ZBTB7C: variants seen among roughly 807,000 people sequenced by gnomAD.
The protein encoded by ZBTB7C is zinc finger and BTB domain containing 7C.
Under a neutral mutation model 25.7 loss-of-function variants are expected in ZBTB7C, and 8 were observed. The observed-to-expected ratio is 0.31, with a 90% confidence interval of 0.18 to 0.56. The LOEUF (loss-of-function observed/expected upper bound fraction) is 0.56. ZBTB7C is among the 20% of genes least tolerant of loss of function. The probability of loss-of-function intolerance (pLI) is 0.91; values close to 1 mark genes in which losing one functional copy is unlikely to be tolerated. For synonymous variants in ZBTB7C, 394 were observed against 369.0 expected (o/e 1.07, Z -0.78); for missense variants, 824 against 855.2 (o/e 0.96, Z 0.46).
At chr18:48,207,313 A>G (rs891511980) in intron 2 of ZBTB7C, among the ~76,000 whole-genome samples, 3 of 152,238 alleles carry the variant, frequency 2.0e-5, no homozygotes, top group Non-Finnish European at 4.4e-5. Context: ...ACTGTTAGGT[A>G]TGTGCCCAGA....
intron 4 of ZBTB7C, among the ~76,000 whole-genome samples, chr18:48,032,422 GTTTTTTTTTTTTT>G (rs71165309): frequency 6.1e-5 from 4 of 65,060 alleles, no homozygotes; most frequent in East Asian, 5.1e-4. Context: ...GACAAGGTAG[GTTTTTTTTTTTTT>G]TTTTTTTTTT....
In ZBTB7C at chr18:48,136,368, C is replaced by A. The variant is rs542952471; in HGVS notation, c.-17+49566G>T. On this transcript the variant is annotated intron_variant, in intron 3 of 4. Transcript: ENST00000590800. ...GGAGTCCAGGGAAGAGCCCCCCACC[C>A]ACCCAGCTCAGCGCGCGATTTGAGC... 2.0e-5 allele frequency among the ~76,000 whole-genome samples: 3 copies of A among 152,328 alleles called. No homozygotes were observed. In the South Asian group the frequency reaches 6.2e-4, roughly 32 times the overall value.
intron 3 of ZBTB7C, among the ~76,000 whole-genome samples, chr18:48,057,832 C>T (rs998672769): frequency 3.9e-5 from 6 of 152,104 alleles, no homozygotes; most frequent in East Asian, 3.9e-4. Context: ...CTGTGAGGCT[C>T]AAGGGAGAAA....
At chr18:48,345,224 A>G (rs1226208438) in intron 1 of ZBTB7C, among the ~76,000 whole-genome samples, 1 of 152,230 alleles carries the variant, frequency 6.6e-6, no homozygotes, top group Non-Finnish European at 1.5e-5. Flanking sequence ...ATAGCTGTTC[A>G]GTAAGAAGCT....
chr18:48,395,975 G>T (rs1309678914), intron 1 of ZBTB7C, among the ~76,000 whole-genome samples: 1 of 152,218 alleles, frequency 6.6e-6, no homozygotes, highest in Non-Finnish European at 1.5e-5. Context: ...GGAATCTGGT[G>T]CATCAGAATC....
In ZBTB7C at chr18:48,038,771, G is replaced by A. The variant is rs548952512; in HGVS notation, c.1208+1129C>T. Among the ~76,000 whole-genome samples the A allele has an allele frequency of 7.2e-5, 11 of 152,246 alleles. No homozygotes were observed. In the South Asian group the frequency reaches 1.0e-3, roughly 14 times the overall value. On this transcript the variant is annotated intron_variant, in intron 4 of 4. Transcript: ENST00000590800. ...CTCTCAAGGTGAGTTCTCTGAGAGG[G>A]ACAGTGGCAGGGTGGGGAAGGGACC...
chr18:48,129,654 G>A (rs1015324629), intron 3 of ZBTB7C, among the ~76,000 whole-genome samples: 11 of 152,194 alleles, frequency 7.2e-5, no homozygotes, highest in South Asian at 2.1e-4. Context: ...GCATTTGCCC[G>A]GAAGGGAGGG....
chr18:48,334,582 C>T (rs1106883), intron 2 of ZBTB7C, among the ~76,000 whole-genome samples: 20,554 of 152,150 alleles, frequency 0.14, 1,634 homozygotes, highest in Non-Finnish European at 0.19. Flanking sequence ...AGAAGGCAGG[C>T]GCTATTTAAC....
intron 3 of ZBTB7C, among the ~76,000 whole-genome samples, chr18:48,132,351 C>T (rs563241692): frequency 2.0e-5 from 3 of 152,256 alleles, no homozygotes; most frequent in African/African-American, 7.2e-5. Flanking sequence ...TCTATTTATA[C>T]GAAAGGTCCA....
chr18:48,085,871 T>C (rs2038172386), intron 3 of ZBTB7C, among the ~76,000 whole-genome samples: 1 of 152,130 alleles, frequency 6.6e-6, no homozygotes, highest in African/African-American at 2.4e-5. Context: ...ATTCAGTGAC[T>C]GTGGCTCTGG....
At chr18:48,261,830 C>T (rs562444805) in intron 2 of ZBTB7C, among the ~76,000 whole-genome samples, 1 of 152,372 alleles carries the variant, frequency 6.6e-6, no homozygotes, top group East Asian at 1.9e-4. Context: ...GATGTGAGCA[C>T]TCTGAATCTT....
chr18:48,359,488 C>T (rs2047054382), intron 1 of ZBTB7C, among the ~76,000 whole-genome samples: 1 of 152,074 alleles, frequency 6.6e-6, no homozygotes, highest in Non-Finnish European at 1.5e-5. Context: ...AGGTACAATG[C>T]CACCATGACA....
intron 2 of ZBTB7C, among the ~76,000 whole-genome samples, chr18:48,256,479 A>G (rs1377487794): frequency 1.7e-5 from 1 of 60,420 alleles, no homozygotes; most frequent in Non-Finnish European, 5.5e-5. Flanking sequence ...CAAAAGCTCA[A>G]AAAAAAAAAA....
chr18:48,040,107 T>G lies in ZBTB7C; in HGVS notation c.1001A>C (p.Tyr334Ser). The G allele has an allele frequency of 6.2e-7, 1 of 1,604,704 alleles. No individual in the cohort carries two copies. Among genetic ancestry groups the G allele is most frequent in the Non-Finnish European group, 8.5e-7 (1 of 1,175,346 alleles). Reference protein sequence around the residue: ...PIKAENDYGAYLNFLSATHLG... With the variant: ...PIKAENDYGASLNFLSATHLG... ...GTGGGTGGCACTCAGGAAGTTGAGA[T>G]AGGCACCGTAGTCGTTCTCCGCCTT... The change falls in exon 4 of 5, where the codon TAT becomes TCT. Residue 334 changes from tyrosine to serine, a missense_variant. Transcript: ENST00000590800.
intron 2 of ZBTB7C, among the ~76,000 whole-genome samples, chr18:48,202,050 A>G (rs2042462653): frequency 6.6e-6 from 1 of 152,236 alleles, no homozygotes; most frequent in African/African-American, 2.4e-5. Flanking sequence ...TAAAAGCCAC[A>G]CGTGCAGGTC....
intron 1 of ZBTB7C, among the ~76,000 whole-genome samples, chr18:48,401,761 C>T (rs1417040510): frequency 6.6e-6 from 1 of 152,108 alleles, no homozygotes; most frequent in Non-Finnish European, 1.5e-5. Context: ...GAGGCTCCAC[C>T]CATGCCACCC....
At chr18:48,326,059 T>G (rs566121041) in intron 2 of ZBTB7C, among the ~76,000 whole-genome samples, 65 of 152,134 alleles carry the variant, frequency 4.3e-4, no homozygotes, top group African/African-American at 1.5e-3. Context: ...TCTTGTTCAC[T>G]TATCTGTTTA....
At chr18:48,037,125 C>A (rs1053210920) in intron 4 of ZBTB7C, among the ~76,000 whole-genome samples, 2 of 152,230 alleles carry the variant, frequency 1.3e-5, no homozygotes, top group Admixed American at 6.5e-5. Flanking sequence ...GGTTTCTCTC[C>A]TCCTGGGAAG....
At chr18:48,373,143 A>T (rs1299509647) in intron 1 of ZBTB7C, among the ~76,000 whole-genome samples, 1 of 152,182 alleles carries the variant, frequency 6.6e-6, no homozygotes, top group Non-Finnish European at 1.5e-5. Flanking sequence ...TCCAAATCTC[A>T]TGTTGAAATG....
Sources: allele counts gnomAD v4.1 joint callset (sites outside exome capture counted in the v4.1 genomes callset), GRCh38; gene constraint gnomAD v4.1.1; transcripts MANE v1.5; gene names NCBI Gene and HGNC (gene_info 2026-07-23, HGNC 2026-07-21).